Variants in ZNF385B observed in about 807,000 individuals in gnomAD.
ZNF385B encodes the protein zinc finger protein 385B.
In ZNF385B, 23 loss-of-function variants were observed where a neutral mutation model predicts 39.2. The ratio of observed to expected loss-of-function variants is 0.59; its 90% CI spans 0.42 to 0.83. The LOEUF (loss-of-function observed/expected upper bound fraction) is 0.83. Ranked by LOEUF, ZNF385B falls within the 40% of genes least tolerant of loss-of-function variation. ZNF385B has a pLI of 0.00. For synonymous variants in ZNF385B, 205 were observed against 222.6 expected, an observed-to-expected ratio of 0.92 and a Z score of 0.70; for missense variants, 552 against 598.9, an observed-to-expected ratio of 0.92 and a Z score of 0.82.
intron 1 of ZNF385B, among the ~76,000 whole-genome samples, chr2:179,820,071 A>ATG (rs960150305): frequency 2.6e-5 from 4 of 151,976 alleles, no homozygotes; most frequent in African/African-American, 9.7e-5. Flanking sequence ...GTGTGTGTAT[A>ATG]TGTGTGTGTG....
intron 1 of ZNF385B, among the ~76,000 whole-genome samples, chr2:179,855,156 C>T (rs553439061): frequency 3.3e-5 from 5 of 152,022 alleles, no homozygotes; most frequent in Non-Finnish European, 7.4e-5. Context: ...ATCTAATCTT[C>T]GTTTTGCTGA....
intron 6 of ZNF385B, among the ~76,000 whole-genome samples, chr2:179,450,907 A>T (rs1233125290): frequency 6.6e-6 from 1 of 152,072 alleles, no homozygotes; most frequent in Non-Finnish European, 1.5e-5. Context: ...ACACCATGGA[A>T]TACTATGCAG....
At chr2:179,672,693 A>T (rs192987694) in intron 3 of ZNF385B, among the ~76,000 whole-genome samples, 1 of 152,186 alleles carries the variant, frequency 6.6e-6, no homozygotes, top group Non-Finnish European at 1.5e-5. Context: ...CTCTTCCACC[A>T]AGTGAGGATG....
intron 5 of ZNF385B, among the ~76,000 whole-genome samples, chr2:179,504,028 C>A (rs2105742260): frequency 6.9e-6 from 1 of 145,594 alleles, no homozygotes; most frequent in South Asian, 2.3e-4. Context: ...CCTCCCCCCT[C>A]TCCCCACCCC....
At chr2:179,798,134 A>G (rs192565917) in intron 1 of ZNF385B, among the ~76,000 whole-genome samples, 1 of 151,986 alleles carries the variant, frequency 6.6e-6, no homozygotes, top group Non-Finnish European at 1.5e-5. Context: ...ATGTGTTTCG[A>G]TCTATTACTG....
chr2:179,701,180 C>G (rs374072043), intron 3 of ZNF385B, among the ~76,000 whole-genome samples: 14 of 152,108 alleles, frequency 9.2e-5, no homozygotes, highest in African/African-American at 2.7e-4. Flanking sequence ...CTTTGAAAGT[C>G]TCATATGAAG....
chr2:179,695,209 T>C (rs1698647861), intron 3 of ZNF385B, among the ~76,000 whole-genome samples: 1 of 152,218 alleles, frequency 6.6e-6, no homozygotes, highest in Non-Finnish European at 1.5e-5. Context: ...GGAGTTTTAC[T>C]GTACTTCATT....
intron 4 of ZNF385B, among the ~76,000 whole-genome samples, chr2:179,519,374 T>C (rs2058323223): frequency 6.6e-6 from 1 of 152,210 alleles, no homozygotes. Flanking sequence ...CTACTGAAAA[T>C]GCATGTCAGA....
intron 3 of ZNF385B, among the ~76,000 whole-genome samples, chr2:179,763,725 ACTT>A: frequency 1.3e-5 from 2 of 152,130 alleles, no homozygotes; most frequent in Admixed American, 1.3e-4. Flanking sequence ...TTCCTTTGAG[ACTT>A]CTTCTTTGAT....
chr2:179,808,541 G>A (rs922572190), intron 1 of ZNF385B, among the ~76,000 whole-genome samples: 4 of 152,198 alleles, frequency 2.6e-5, no homozygotes, highest in Admixed American at 2.0e-4. Flanking sequence ...TGGGTGGCAG[G>A]TGCATGGTGG....
At chr2:179,475,426 A>T (rs1553562987) in intron 6 of ZNF385B, among the ~76,000 whole-genome samples, 1 of 151,434 alleles carries the variant, frequency 6.6e-6, no homozygotes, top group Non-Finnish European at 1.5e-5. Context: ...TAATTTTTGT[A>T]TTTTTAGTAA....
At chr2:179,770,912 T>C (rs1317548962) in intron 1 of ZNF385B, among the ~76,000 whole-genome samples, 2 of 152,186 alleles carry the variant, frequency 1.3e-5, no homozygotes, top group African/African-American at 2.4e-5. Context: ...TTATGTAATT[T>C]TTCATTTTAG....
At chr2:179,554,009 T>C (rs1161225664) in intron 3 of ZNF385B, among the ~76,000 whole-genome samples, 1 of 149,162 alleles carries the variant, frequency 6.7e-6, no homozygotes, top group Non-Finnish European at 1.5e-5. Context: ...ATTTTACTTA[T>C]TTATACCTCC....
intron 3 of ZNF385B, among the ~76,000 whole-genome samples, chr2:179,562,995 C>A (rs959567522): frequency 4.1e-5 from 6 of 146,730 alleles, no homozygotes; most frequent in Admixed American, 1.3e-4. Context: ...TTCTATTAGG[C>A]CTGAAGAATT....
At chr2:179,757,458 A>G (rs1316577300) in intron 3 of ZNF385B, among the ~76,000 whole-genome samples, 2 of 152,176 alleles carry the variant, frequency 1.3e-5, no homozygotes, top group South Asian at 2.1e-4. Context: ...CTCAAACTCC[A>G]TGCTGGGAGA....
intron 1 of ZNF385B, among the ~76,000 whole-genome samples, chr2:179,840,152 G>A (rs1480705): frequency 0.091 from 13,819 of 152,174 alleles, 821 homozygotes; most frequent in Non-Finnish European, 0.13. Flanking sequence ...TATTTATAAT[G>A]CATATGGAAT....
chr2:179,634,643 G>A (rs1447922538), intron 3 of ZNF385B, among the ~76,000 whole-genome samples: 1 of 152,174 alleles, frequency 6.6e-6, no homozygotes, highest in South Asian at 2.1e-4. Flanking sequence ...AAGACAGTGT[G>A]GCGATTCCTC....
intron 6 of ZNF385B, among the ~76,000 whole-genome samples, chr2:179,457,888 C>T (rs922400973): frequency 1.3e-5 from 2 of 152,080 alleles, no homozygotes; most frequent in African/African-American, 4.8e-5. Flanking sequence ...AGACAAAGCC[C>T]CAAGGCTTAA....
At chr2:179,805,959 A>G (rs1706321845) in intron 1 of ZNF385B, among the ~76,000 whole-genome samples, 1 of 152,230 alleles carries the variant, frequency 6.6e-6, no homozygotes, top group Non-Finnish European at 1.5e-5. Flanking sequence ...CAAAAACTTC[A>G]TAACATTTAG....
Sources: allele counts gnomAD v4.1 joint callset (sites outside exome capture counted in the v4.1 genomes callset), GRCh38; gene constraint gnomAD v4.1.1; transcripts MANE v1.5; gene names NCBI Gene and HGNC (gene_info 2026-07-23, HGNC 2026-07-21).